Variants in CDCA7L observed in about 807,000 individuals in gnomAD.
CDCA7L encodes the protein cell division cycle associated 7 like.
In CDCA7L, 44 loss-of-function variants were observed where a neutral mutation model predicts 57.4. The ratio of observed to expected loss-of-function variants is 0.77; its 90% confidence interval spans 0.60 to 0.98. CDCA7L has a LOEUF of 0.98. Among genes scored for constraint, CDCA7L ranks in the 50% least tolerant of loss-of-function variants. The pLI, the probability that CDCA7L is intolerant of heterozygous loss-of-function variation, is 0.00. For missense variants in CDCA7L, 644 were observed against 580.6 expected (o/e 1.11, Z -1.12); for synonymous variants, 236 against 202.8 (o/e 1.16, Z -1.39).
intron 1 of CDCA7L, among the ~76,000 whole-genome samples, chr7:21,939,542 T>G (rs9986827): frequency 0.069 from 10,502 of 152,170 alleles, 1,194 homozygotes; most frequent in African/African-American, 0.24. Context: ...GTGAAGTAAT[T>G]TCCTCCTCCA....
At position 21,901,439 on chromosome 7, in the gene CDCA7L, G is replaced by C. The variant is rs1784840641; in HGVS notation, c.*883C>G. 15 of 782,050 alleles carry C rather than the reference G, an allele frequency of 1.9e-5. No homozygotes were observed. Among genetic ancestry groups the C allele is most frequent in the Non-Finnish European group, 2.7e-5 (15 of 563,710 alleles). The allele number at this position is 782,050 out of a possible 1,614,324, so 48.4% of individuals were successfully genotyped here. A position where few individuals can be genotyped will look rare whatever the true frequency, so the allele number is the denominator to read the frequency against. On this transcript the variant is annotated 3_prime_UTR_variant, in exon 10 of 10. Coordinates refer to ENST00000406877, the MANE Select transcript of CDCA7L (RefSeq NM_018719.5). ...AGAAACTAACTCAGGGCTGAGCGTG[G>C]TGGCACACGACTGTAATCCCAGTTA...
intron 1 of CDCA7L, among the ~76,000 whole-genome samples, chr7:21,945,112 T>C (rs535282386): frequency 1.3e-5 from 2 of 152,222 alleles, no homozygotes; most frequent in Admixed American, 1.3e-4. Context: ...CTGAAACGTT[T>C]GGGGGAACTT....
chr7:21,903,148 T>G, intron 8 of CDCA7L, 34 bp from the exon 9 acceptor site: 1 of 1,602,890 alleles, frequency 6.2e-7, no homozygotes, highest in Non-Finnish European at 8.5e-7. Context: ...ACTTCGCTCA[T>G]TATCTACAGG....
chr7:21,919,466 G>A (rs1478560528), intron 1 of CDCA7L, among the ~76,000 whole-genome samples: 2 of 152,010 alleles, frequency 1.3e-5, no homozygotes, highest in Non-Finnish European at 2.9e-5. Context: ...ATTTCTCCAA[G>A]GAGCCCTGAA....
chr7:21,927,115 G>A (rs1266717384), intron 1 of CDCA7L, among the ~76,000 whole-genome samples: 1 of 152,072 alleles, frequency 6.6e-6, no homozygotes, highest in African/African-American at 2.4e-5. Flanking sequence ...AAAGAACAAA[G>A]ACATATAAAA....
At chr7:21,921,082 C>G (rs1785634098) in intron 1 of CDCA7L, among the ~76,000 whole-genome samples, 1 of 152,166 alleles carries the variant, frequency 6.6e-6, no homozygotes, top group African/African-American at 2.4e-5. Context: ...CTTCCAGCAG[C>G]AACTGCATTA....
chr7:21,923,994 C>T (rs141281543), intron 1 of CDCA7L, among the ~76,000 whole-genome samples: 192 of 152,266 alleles, frequency 1.3e-3, no homozygotes, highest in African/African-American at 4.5e-3. Context: ...ATAAAAAGAT[C>T]ATCAAACTGT....
intron 9 of CDCA7L, chr7:21,902,581 A>C (rs903692385): frequency 8.7e-6 from 5 of 578,020 alleles, no homozygotes; most frequent in South Asian, 2.1e-5. Context: ...AGAGTTTATT[A>C]ATTACATAAA....
At chr7:21,945,414 C>T (rs966958702) in intron 1 of CDCA7L, among the ~76,000 whole-genome samples, 1 of 152,128 alleles carries the variant, frequency 6.6e-6, no homozygotes, top group African/African-American at 2.4e-5. Context: ...TGCCAATTCC[C>T]GGAGAAAGTG....
rs76533925 is a variant in CDCA7L, at chr7:21,945,644, T to C, written c.24+137A>G. On this transcript the variant is annotated intron_variant, in intron 1 of 9. Coordinates refer to ENST00000406877, the MANE Select transcript of CDCA7L (RefSeq NM_018719.5). The stretch of plus-strand genomic sequence containing the variant: ...CTGCAGGGCGCGCCCACTCCGGCAC[T>C]CAACCGGCTGGGCGCGCCAGATCCC... The C allele has an allele frequency of 0.011, 12,631 of 1,103,792 alleles. 607 individuals carry two copies. In the African/African-American group the frequency reaches 0.11, roughly 10 times the overall value. The allele number at this position is 1,103,792 out of a possible 1,614,324, so 68.4% of individuals were successfully genotyped here.
intron 1 of CDCA7L, among the ~76,000 whole-genome samples, chr7:21,934,222 G>A (rs1019053420): frequency 2.0e-5 from 3 of 152,104 alleles, no homozygotes; most frequent in African/African-American, 2.4e-5. Context: ...AAATACTTAC[G>A]AATCTGTTCA....
chr7:21,930,629 C>T (rs1301813067), intron 1 of CDCA7L, among the ~76,000 whole-genome samples: 3 of 129,288 alleles, frequency 2.3e-5, no homozygotes, highest in East Asian at 2.6e-4. Context: ...ACCTGGGAGG[C>T]GGAGGTTGCA....
chr7:21,904,334 C>T, intron 7 of CDCA7L, 75 bp from the exon 8 acceptor site: 1 of 1,384,838 alleles, frequency 7.2e-7, no homozygotes, highest in Non-Finnish European at 9.7e-7. Flanking sequence ...CCACCATGTG[C>T]ATTTCCAAGT....
chr7:21,921,277 G>A (rs147000061), intron 1 of CDCA7L, among the ~76,000 whole-genome samples: 11 of 149,566 alleles, frequency 7.4e-5, no homozygotes, highest in East Asian at 5.9e-4. Context: ...CCTGGGGTAC[G>A]CAGGGCTCTG....
chr7:21,911,006 A>ATTTTTTTTTTTTTTTTTTTTT (rs557286550), intron 3 of CDCA7L, among the ~76,000 whole-genome samples: 1 of 82,474 alleles, frequency 1.2e-5, no homozygotes, highest in African/African-American at 5.9e-5. Context: ...TCTTGAGATA[A>ATTTTTTTTTTTTTTTTTTTTT]TTTTTTTTTT....
chr7:21,902,035 TA>T lies in CDCA7L; in HGVS notation c.*286del, dbSNP rs1784901874. 4.6e-6 allele frequency: 2 copies of T among 430,656 alleles called. No individual in the cohort carries two copies. Among genetic ancestry groups the T allele is most frequent in the African/African-American group, 4.0e-5 (2 of 50,512 alleles). 26.7% of individuals were successfully genotyped at this position (430,656 alleles called of 1,614,324 possible). Reference sequence around the variant, plus strand: ...CTCTCTAACTTACTTACCTGAACTTTAACCCCACCCCATTTAAACTGTGCTT... The same window carrying T: ...CTCTCTAACTTACTTACCTGAACTTTACCCCACCCCATTTAAACTGTGCTT... On this transcript the variant is annotated 3_prime_UTR_variant, in exon 10 of 10. Coordinates refer to ENST00000406877, the MANE Select transcript of CDCA7L (RefSeq NM_018719.5).
chr7:21,924,495 G>C (rs1000223498), intron 1 of CDCA7L, among the ~76,000 whole-genome samples: 1 of 152,184 alleles, frequency 6.6e-6, no homozygotes, highest in African/African-American at 2.4e-5. Flanking sequence ...ACACCACGAA[G>C]GGCGAGAACT....
intron 4 of CDCA7L, 90 bp downstream of exon 4, chr7:21,908,040 G>A (rs1785194179): frequency 2.2e-6 from 3 of 1,379,766 alleles, no homozygotes; most frequent in Non-Finnish European, 1.9e-6. Flanking sequence ...AGCAACAGCA[G>A]CAGCTGTAGG....
At position 21,901,286 on chromosome 7, in the gene CDCA7L, G is replaced by GAGTGCAGTGAGGATTTTCTAGCATGT; in HGVS notation, c.*1010_*1035dup. ...ACTGGCATTCCTCTAGCCTCTGCTG[G>GAGTGCAGTGAGGATTTTCTAGCATGT]AGTGCAGTGAGGATTTTCTAGCATG... is the stretch of plus-strand genomic sequence containing the variant. On this transcript the variant is annotated 3_prime_UTR_variant, in exon 10 of 10. Coordinates refer to ENST00000406877, the MANE Select transcript of CDCA7L (RefSeq NM_018719.5). 1.3e-6 allele frequency: 2 copies of GAGTGCAGTGAGGATTTTCTAGCATGT among 1,566,392 alleles called. No homozygotes were observed. The highest frequency in any genetic ancestry group is 1.7e-6 in the Non-Finnish European group (2 of 1,156,664).
Sources: allele counts gnomAD v4.1 joint callset (sites outside exome capture counted in the v4.1 genomes callset), GRCh38; gene constraint gnomAD v4.1.1; transcripts MANE v1.5; gene names NCBI Gene and HGNC (gene_info 2026-07-23, HGNC 2026-07-21).